RP1: variants seen among roughly 807,000 people sequenced by gnomAD.
RP1 encodes oxygen-regulated protein 1.
RP1 carries 16 observed loss-of-function variants against 14.8 expected under a neutral mutation model. That is an observed-to-expected ratio of 1.08 (90% confidence interval 0.73 to 1.65). The LOEUF (loss-of-function observed/expected upper bound fraction) is 1.65, where lower values mean the gene tolerates loss of function less well. Ranked by LOEUF, RP1 falls within the 40% of genes most tolerant of loss-of-function variation. The probability of loss-of-function intolerance (pLI) is 0.00; values close to 1 mark genes in which losing one functional copy is unlikely to be tolerated. For synonymous variants in RP1, 876 were observed against 883.6 expected (o/e 0.99, Z 0.15); for missense variants, 2,631 against 2,535.0 (o/e 1.04, Z -0.81).
Position 54,678,513 on chromosome 8 carries a change from C to A in RP1, c.1455C>A (p.Tyr485Ter), listed in dbSNP as rs187195659. The change falls in exon 9 of 23, where the codon TAC (tyrosine) becomes TAA (stop). Residue 485 changes from tyrosine (Y) to a stop codon, truncating the protein, a stop_gained. Coordinates refer to the RP1 transcript ENST00000636932. LOFTEE classifies it high-confidence loss of function. ...TTATCAAGGATCCCACAACAAATTA[C>A]GAATATGCCTTCTTCTGTCACAGGT... The A allele has an allele frequency of 3.3e-6, 5 of 1,533,740 alleles. No individual in the cohort carries two copies. The highest frequency in any genetic ancestry group is 4.4e-6 in the Non-Finnish European group (5 of 1,145,770).
intron 12 of RP1, chr8:54,696,288 T>C (rs1807860494): frequency 2.4e-6 from 1 of 413,812 alleles, no homozygotes; most frequent in Non-Finnish European, 4.3e-6. Flanking sequence ...TTGGTATATA[T>C]TGACTAAACT....
chr8:54,711,883 A>T (rs1054833584), intron 15 of RP1, among the ~76,000 whole-genome samples: 5 of 152,168 alleles, frequency 3.3e-5, no homozygotes, highest in Non-Finnish European at 7.3e-5. Context: ...AGTTCTGTGT[A>T]GCTCAGGAGG....
chr8:54,716,990 T>A (rs752059722), intron 15 of RP1, among the ~76,000 whole-genome samples: 1 of 152,196 alleles, frequency 6.6e-6, no homozygotes, highest in Non-Finnish European at 1.5e-5. Context: ...GAGTTGTCTC[T>A]CTTCTAGTCA....
intron 19 of RP1, among the ~76,000 whole-genome samples, chr8:54,740,185 A>G (rs1204995909): frequency 6.6e-6 from 1 of 150,538 alleles, no homozygotes; most frequent in Non-Finnish European, 1.5e-5. Flanking sequence ...CAAAAAGTTA[A>G]CTGTAAAACA....
At chr8:54,820,469 G>A (rs1291589823) in intron 24 of RP1, among the ~76,000 whole-genome samples, 1 of 152,082 alleles carries the variant, frequency 6.6e-6, no homozygotes, top group African/African-American at 2.4e-5. Flanking sequence ...CTATTGCTGG[G>A]GTGGAGGATT....
intron 25 of RP1, among the ~76,000 whole-genome samples, chr8:54,842,475 G>C (rs1811810525): frequency 2.0e-5 from 3 of 152,142 alleles, no homozygotes; most frequent in Non-Finnish European, 4.4e-5. Flanking sequence ...GACTCCTGTG[G>C]GGTTTCCACC....
At chr8:54,854,828 G>T (rs1812152597) in intron 26 of RP1, among the ~76,000 whole-genome samples, 1 of 152,162 alleles carries the variant, frequency 6.6e-6, no homozygotes, top group Non-Finnish European at 1.5e-5. Context: ...CAGCACCATT[G>T]CACTCCAGCC....
chr8:54,609,048 C>T (rs1394745623), intron 1 of RP1, among the ~76,000 whole-genome samples: 1 of 152,180 alleles, frequency 6.6e-6, no homozygotes, highest in Non-Finnish European at 1.5e-5. Flanking sequence ...GGGCTAGGTA[C>T]AGGCAGTAAG....
chr8:54,621,277 A>G lies in RP1; in HGVS notation c.311A>G (p.Tyr104Cys). 2 of 1,613,998 alleles carry G rather than the reference A, an allele frequency of 1.2e-6. No homozygotes were observed. The highest frequency in any genetic ancestry group is 1.7e-6 in the Non-Finnish European group (2 of 1,179,986). ...GAGGAGCTGGAGGACGGCGAGTCCT[A>G]CCTATGTTCCCACGGCAGGAAGGTG... is the stretch of plus-strand genomic sequence containing the variant. The part of the protein sequence containing the change: ...RLEELEDGES[Y>C]LCSHGRKVQP... Residue 104 changes from tyrosine to cysteine, a missense_variant, in exon 2 of 4, where the codon TAC (tyrosine) becomes TGC (cysteine). Coordinates refer to ENST00000220676, the MANE Select transcript of RP1 (RefSeq NM_006269.2).
chr8:54,701,789 G>T, intron 14 of RP1: 1 of 814,892 alleles, frequency 1.2e-6, no homozygotes. Context: ...TGGCATTGGT[G>T]CCTATTTCCA....
intron 24 of RP1, among the ~76,000 whole-genome samples, chr8:54,786,004 T>C (rs1810308775): frequency 6.6e-6 from 1 of 152,132 alleles, no homozygotes; most frequent in South Asian, 2.1e-4. Context: ...CGATAACAAA[T>C]ATGTTTATTC....
intron 1 of RP1, among the ~76,000 whole-genome samples, chr8:54,561,358 G>C (rs1031083768): frequency 2.6e-5 from 4 of 152,140 alleles, no homozygotes; most frequent in Non-Finnish European, 5.9e-5. Flanking sequence ...TAAACAAAGT[G>C]GTTGTTTAAA....
At chr8:54,568,453 T>C (rs113311785) in intron 1 of RP1, among the ~76,000 whole-genome samples, 4 of 152,318 alleles carry the variant, frequency 2.6e-5, no homozygotes, top group African/African-American at 7.2e-5. Context: ...AGTTATTTTG[T>C]TCTTGAGATA....
chr8:54,784,783 A>G (rs1242643468), intron 24 of RP1, among the ~76,000 whole-genome samples: 1 of 152,126 alleles, frequency 6.6e-6, no homozygotes, highest in South Asian at 2.1e-4. Flanking sequence ...AAAATTTATC[A>G]GTTTATTTGT....
intron 16 of RP1, among the ~76,000 whole-genome samples, chr8:54,721,154 G>A (rs1314917162): frequency 2.6e-5 from 4 of 152,246 alleles, no homozygotes; most frequent in African/African-American, 9.6e-5. Context: ...ATTTGGTCCT[G>A]TTCTTCACTC....
downstream of RP1, among the ~76,000 whole-genome samples, chr8:54,633,737 C>CTCTCTCTATA (rs1236298691): frequency 2.3e-3 from 277 of 118,784 alleles, 1 homozygote; most frequent in East Asian, 0.016. Flanking sequence ...CTCTCTCTCT[C>CTCTCTCTATA]TATATATATA....
intron 25 of RP1, among the ~76,000 whole-genome samples, chr8:54,845,811 G>T (rs1384469451): frequency 6.6e-6 from 1 of 152,158 alleles, no homozygotes; most frequent in South Asian, 2.1e-4. Flanking sequence ...TGCTTCTGGG[G>T]CCAAAATTCT....
intron 3 of RP1, among the ~76,000 whole-genome samples, chr8:54,638,763 T>C (rs555681674): frequency 1.3e-5 from 2 of 152,286 alleles, no homozygotes; most frequent in East Asian, 3.9e-4. Context: ...GAATTTGTTT[T>C]ATATTATTTC....
At chr8:54,622,484 C>T (rs181614973) in intron 3 of RP1, among the ~76,000 whole-genome samples, 196 bp downstream of exon 3, 8 of 152,116 alleles carry the variant, frequency 5.3e-5, no homozygotes, top group Non-Finnish European at 8.8e-5. Context: ...ATTTTTTAGA[C>T]TTTTCCAAAT....
Sources: gnomAD v4.1 joint callset for allele counts (sites outside exome capture counted in the v4.1 genomes callset) on GRCh38, gnomAD v4.1.1 for gene constraint, MANE v1.5 for transcripts, NCBI Gene and HGNC (gene_info 2026-07-23, HGNC 2026-07-21) for gene names.